ASTN2: variants seen among roughly 807,000 people sequenced by gnomAD.
ASTN2 encodes the protein astrotactin 2.
Under a neutral mutation model 139.8 loss-of-function variants are expected in ASTN2, and 54 were observed. The observed-to-expected ratio is 0.39, with a 90% CI of 0.31 to 0.48. The LOEUF (loss-of-function observed/expected upper bound fraction) is 0.48, where lower values mean the gene tolerates loss of function less well. ASTN2 is among the 20% of genes least tolerant of loss of function. The pLI is 0.95. For missense variants in ASTN2, 1,565 were observed against 1,725.1 expected (o/e 0.91, Z 1.64); for synonymous variants, 756 against 719.5 (o/e 1.05, Z -0.81).
At chr9:117,263,444 G>T (rs925321536) in intron 2 of ASTN2, among the ~76,000 whole-genome samples, 2 of 152,086 alleles carry the variant, frequency 1.3e-5, no homozygotes, top group Non-Finnish European at 2.9e-5. Flanking sequence ...CCTACCACTG[G>T]CATGGTGGAA....
At chr9:116,558,931 A>G (rs1345469420) in intron 19 of ASTN2, among the ~76,000 whole-genome samples, 1 of 152,214 alleles carries the variant, frequency 6.6e-6, no homozygotes, top group Non-Finnish European at 1.5e-5. Flanking sequence ...TCGTTCATTT[A>G]ATATTTATTG....
At chr9:117,291,878 A>G (rs1587917902) in intron 1 of ASTN2, among the ~76,000 whole-genome samples, 1 of 152,216 alleles carries the variant, frequency 6.6e-6, no homozygotes, top group Non-Finnish European at 1.5e-5. Context: ...TGAAGGAAAG[A>G]AATCCATGAA....
At chr9:116,943,230 G>A (rs1029072550) in intron 10 of ASTN2, among the ~76,000 whole-genome samples, 1 of 152,120 alleles carries the variant, frequency 6.6e-6, no homozygotes, top group African/African-American at 2.4e-5. Flanking sequence ...AGGGGTGAAG[G>A]GGAATGAGTG....
chr9:116,553,937 A>T (rs1255340709), intron 19 of ASTN2, among the ~76,000 whole-genome samples: 2 of 152,228 alleles, frequency 1.3e-5, no homozygotes, highest in Admixed American at 6.5e-5. Flanking sequence ...CTAAAGGTGT[A>T]AGTTGTTCAG....
rs2132647917 is a variant in ASTN2 at position 117,039,981 on chromosome 9, T to C, written c.1277-16A>G. The stretch of plus-strand genomic sequence containing the variant: ...TTCAGCAAACCTGGTAACAAGAACA[T>C]ACACAAAGACACAAAATTCCATGAG... On this transcript the variant is annotated splice_polypyrimidine_tract_variant and intron_variant, in intron 5 of 22. Transcript: ENST00000313400. 8 of 1,598,020 alleles carry C rather than the reference T, an allele frequency of 5.0e-6. No homozygotes were observed. Among genetic ancestry groups the C allele is most frequent in the Middle Eastern group, 3.3e-4 (2 of 5,972 alleles).
chr9:117,217,888 T>A lies in ASTN2; in HGVS notation c.631-3146A>T, dbSNP rs528789058. 1.5e-4 allele frequency among the ~76,000 whole-genome samples: 23 copies of A among 152,346 alleles called. No individual in the cohort carries two copies. In the South Asian group the frequency reaches 4.6e-3, roughly 30 times the overall value. ...CAACTTGCCTTGGATCCCCAAATCC[T>A]TTTCAATCTGGACCAAATGTTTGAT... On this transcript the variant is annotated intron_variant, in intron 2 of 22. Transcript: ENST00000313400.
intron 1 of ASTN2, among the ~76,000 whole-genome samples, chr9:117,318,497 C>G (rs563457277): frequency 6.6e-6 from 1 of 152,200 alleles, no homozygotes; most frequent in South Asian, 2.1e-4. Context: ...AGAGAGACAC[C>G]TGTGAGAGTT....
At chr9:116,450,747 T>C (rs1848149239) in intron 20 of ASTN2, among the ~76,000 whole-genome samples, 1 of 152,144 alleles carries the variant, frequency 6.6e-6, no homozygotes, top group Non-Finnish European at 1.5e-5. Flanking sequence ...CTGCTATGCA[T>C]CCCTGCTCAC....
intron 19 of ASTN2, among the ~76,000 whole-genome samples, chr9:116,543,160 T>C (rs1036232548): frequency 3.3e-5 from 5 of 151,250 alleles, no homozygotes; most frequent in African/African-American, 1.2e-4. Context: ...ATGAAGAGAG[T>C]TCTTCATAAT....
At chr9:116,901,801 C>T (rs1588396469) in intron 10 of ASTN2, among the ~76,000 whole-genome samples, 2 of 152,216 alleles carry the variant, frequency 1.3e-5, no homozygotes, top group Admixed American at 1.3e-4. Context: ...TTTGGGAGGC[C>T]AAGATCACCC....
intron 10 of ASTN2, among the ~76,000 whole-genome samples, chr9:116,920,703 G>C (rs1444995363): frequency 6.6e-6 from 1 of 152,172 alleles, no homozygotes; most frequent in Non-Finnish European, 1.5e-5. Flanking sequence ...ACAATACCAG[G>C]ACCCCGGTAT....
chr9:117,364,581 G>A (rs1829782298), intron 1 of ASTN2, among the ~76,000 whole-genome samples: 1 of 152,138 alleles, frequency 6.6e-6, no homozygotes, highest in Non-Finnish European at 1.5e-5. Context: ...ATAAATAGCT[G>A]AAGAGCGGGG....
chr9:116,481,050 A>G (rs1849151623), intron 20 of ASTN2, among the ~76,000 whole-genome samples: 1 of 152,174 alleles, frequency 6.6e-6, no homozygotes. Flanking sequence ...GTATCCTCAT[A>G]ACCCTATGAA....
intron 19 of ASTN2, among the ~76,000 whole-genome samples, chr9:116,566,522 A>G (rs916780876): frequency 6.6e-6 from 1 of 152,202 alleles, no homozygotes; most frequent in Non-Finnish European, 1.5e-5. Flanking sequence ...AGTGTTTCAC[A>G]TAGGTTAGGT....
At chr9:117,388,751 G>A (rs1320500074) in intron 1 of ASTN2, among the ~76,000 whole-genome samples, 1 of 151,982 alleles carries the variant, frequency 6.6e-6, no homozygotes, top group East Asian at 1.9e-4. Context: ...CATGTTAGCT[G>A]GGTCCTTAAT....
At chr9:116,562,650 G>C (rs1321917) in intron 19 of ASTN2, among the ~76,000 whole-genome samples, 60,391 of 148,128 alleles carry the variant, frequency 0.41, 12,344 homozygotes, top group South Asian at 0.56. Flanking sequence ...AAAATTGCTT[G>C]AAACTGGGAG....
rs148717662 is a variant in ASTN2, at chr9:116,440,719, T to C, written c.3672A>G (p.Thr1224=). ...GCATCGAGGCTGAGACCTCCATCAGTGTGTTGTAGGCCATCTGCTGCTCCT... is the reference window on the plus strand; with the variant it reads ...GCATCGAGGCTGAGACCTCCATCAGCGTGTTGTAGGCCATCTGCTGCTCCT... ...SGKEQQMAYN[T]LMEVSASMLF... is the part of the protein sequence containing the mutation. Residue 1224 remains threonine (T), a synonymous_variant, in exon 22 of 23, where the codon ACA becomes ACG. Transcript: ENST00000313400. The C allele has an allele frequency of 6.2e-6, 10 of 1,614,114 alleles. No homozygotes were observed. In the African/African-American group the frequency reaches 1.3e-4, roughly 22 times the overall value.
chr9:116,633,106 A>G (rs1450660256), intron 17 of ASTN2, among the ~76,000 whole-genome samples: 1 of 152,224 alleles, frequency 6.6e-6, no homozygotes, highest in East Asian at 1.9e-4. Context: ...CTATCTCCAA[A>G]TCATTTGTCC....
chr9:116,735,974 T>G (rs980361988), intron 13 of ASTN2, among the ~76,000 whole-genome samples: 1 of 152,190 alleles, frequency 6.6e-6, no homozygotes, highest in African/African-American at 2.4e-5. Flanking sequence ...CCAGACACAA[T>G]TGGCAGTACT....
Sources: allele counts gnomAD v4.1 joint callset (sites outside exome capture counted in the v4.1 genomes callset), GRCh38; gene constraint gnomAD v4.1.1; transcripts MANE v1.5; gene names NCBI Gene and HGNC (gene_info 2026-07-23, HGNC 2026-07-21).